The following ELP3 variants were observed in gnomAD, a reference collection of about 807,000 sequenced individuals.
ELP3 encodes the protein elongator acetyltransferase complex subunit 3, also known as elongator complex protein 3.
In ELP3, 56 loss-of-function variants were observed where a neutral mutation model predicts 74.9. That is an observed-to-expected ratio of 0.75 (90% CI 0.60 to 0.93). The LOEUF (loss-of-function observed/expected upper bound fraction) is 0.93, where lower values mean the gene tolerates loss of function less well. Ranked by LOEUF, ELP3 falls within the 40% of genes least tolerant of loss-of-function variation. ELP3 has a pLI of 0.00. For synonymous variants in ELP3, 222 were observed against 239.8 expected, an observed-to-expected ratio of 0.93 and a Z score of 0.68; for missense variants, 573 against 686.5, an observed-to-expected ratio of 0.83 and a Z score of 1.85.
upstream of ELP3, chr8:28,092,774 G>T: frequency 3.8e-6 from 1 of 262,914 alleles, no homozygotes; most frequent in Non-Finnish European, 7.6e-6. Flanking sequence ...CCGTGGTCTC[G>T]CCCATTCGCG....
At chr8:28,120,019 G>T (rs528644364) in intron 7 of ELP3, among the ~76,000 whole-genome samples, 85 of 152,252 alleles carry the variant, frequency 5.6e-4, no homozygotes, top group African/African-American at 2.0e-3. Context: ...CGCCTGAGCT[G>T]TTTTGTTTGT....
intron 3 of ELP3, among the ~76,000 whole-genome samples, chr8:28,102,806 G>A (rs1168147806): frequency 6.6e-6 from 1 of 152,158 alleles, no homozygotes; most frequent in Non-Finnish European, 1.5e-5. Context: ...CATTCTGTAG[G>A]TTTTGCCAAT....
chr8:28,138,532 CA>C (rs1238613245), intron 10 of ELP3, among the ~76,000 whole-genome samples: 1 of 152,066 alleles, frequency 6.6e-6, no homozygotes, highest in Non-Finnish European at 1.5e-5. Context: ...ACAATCCTAA[CA>C]AAGCCAATTC....
intron 14 of ELP3, among the ~76,000 whole-genome samples, chr8:28,173,521 T>C (rs1814617557): frequency 6.6e-6 from 1 of 151,416 alleles, no homozygotes; most frequent in South Asian, 2.1e-4. Context: ...CATTGCTAGT[T>C]GATCTTTTCA....
At chr8:28,139,214 C>T (rs1813122000) in intron 10 of ELP3, among the ~76,000 whole-genome samples, 1 of 152,096 alleles carries the variant, frequency 6.6e-6, no homozygotes, top group South Asian at 2.1e-4. Flanking sequence ...GGGGTATATG[C>T]AGAAGAGGAG....
chr8:28,123,409 T>C (rs140149830), intron 7 of ELP3, among the ~76,000 whole-genome samples: 48 of 152,332 alleles, frequency 3.2e-4, no homozygotes, highest in African/African-American at 1.1e-3. Context: ...TGTTTTAAAA[T>C]TTATTGAGAC....
intron 10 of ELP3, among the ~76,000 whole-genome samples, chr8:28,155,141 A>G (rs759226875): frequency 9.9e-5 from 15 of 152,240 alleles, no homozygotes; most frequent in Non-Finnish European, 1.5e-4. Flanking sequence ...TATTCTCCAC[A>G]TCTTTCCTCT....
chr8:28,106,903 A>G, intron 4 of ELP3, 120 bp downstream of exon 4: 1 of 687,026 alleles, frequency 1.5e-6, no homozygotes, highest in East Asian at 2.9e-5. Flanking sequence ...AGATTTATAG[A>G]TTACTCCTTT....
At chr8:28,104,032 G>T (rs1811591933) in intron 3 of ELP3, among the ~76,000 whole-genome samples, 2 of 152,190 alleles carry the variant, frequency 1.3e-5, no homozygotes, top group Non-Finnish European at 2.9e-5. Flanking sequence ...CCCAGCCAGT[G>T]TTTTGGATTT....
intron 7 of ELP3, among the ~76,000 whole-genome samples, chr8:28,129,066 A>G (rs1424348395): frequency 1.3e-5 from 2 of 152,192 alleles, no homozygotes; most frequent in African/African-American, 4.8e-5. Context: ...CATTTAAAAT[A>G]TAGAGTGGGA....
intron 6 of ELP3, 83 bp downstream of exon 6, chr8:28,110,521 C>T: frequency 1.7e-6 from 2 of 1,186,302 alleles, no homozygotes; most frequent in Non-Finnish European, 2.4e-6. Context: ...CAAATTGAAC[C>T]TGAAATAAGA....
At chr8:28,099,763 C>G (rs757500679) in intron 2 of ELP3, 65 bp from the exon 3 acceptor site, 29 of 1,571,306 alleles carry the variant, frequency 1.8e-5, no homozygotes, top group Non-Finnish European at 2.4e-5. Context: ...GTTTATAGAT[C>G]ATCCTCTTGG....
At chr8:28,180,116 G>A (rs1250234202) in intron 14 of ELP3, among the ~76,000 whole-genome samples, 1 of 152,042 alleles carries the variant, frequency 6.6e-6, no homozygotes, top group African/African-American at 2.4e-5. Flanking sequence ...TAGGTTCTAG[G>A]TATGGATTTC....
chr8:28,158,840 T>C (rs183838988), intron 12 of ELP3, among the ~76,000 whole-genome samples: 3 of 152,304 alleles, frequency 2.0e-5, no homozygotes, highest in Admixed American at 2.0e-4. Flanking sequence ...AGTCTGAACC[T>C]CATTCTAGAT....
chr8:28,137,663 T>G, intron 9 of ELP3, 35 bp from the exon 10 acceptor site: 1 of 1,596,818 alleles, frequency 6.3e-7, no homozygotes, highest in Non-Finnish European at 8.6e-7. Context: ...TCTGCATAAC[T>G]AATGGAGAAG....
Position 28,138,863 on chromosome 8 carries a change from G to A in ELP3, c.1100+972G>A, listed in dbSNP as rs145070978. ...CTGCAGGATCTGAATTGCCTATATG[G>A]TCTCTATTTTTAAAAATACACCTAA... is the stretch of plus-strand genomic sequence containing the variant. On this transcript the variant is annotated intron_variant, in intron 10 of 14. Transcript: ENST00000256398. Among the ~76,000 whole-genome samples the A allele has an allele frequency of 4.7e-3, 713 of 152,258 alleles. 4 individuals carry two copies. Among genetic ancestry groups the A allele is most frequent in the African/African-American group, 0.016 (671 of 41,556 alleles).
At chr8:28,109,354 T>C (rs1356589262) in intron 5 of ELP3, among the ~76,000 whole-genome samples, 1 of 152,172 alleles carries the variant, frequency 6.6e-6, no homozygotes, top group Non-Finnish European at 1.5e-5. Flanking sequence ...TCTTGTTTTC[T>C]AGGGTTCAAA....
Position 28,132,204 on chromosome 8 carries a change from C to A in ELP3, c.780-74C>A, listed in dbSNP as rs943707167. ...CCCTTGTTCCTTGTGTTAACTTTGT[C>A]ACCCATTTATTTGTGTAACAGATGT... On this transcript the variant is annotated intron_variant, in intron 8 of 14. Coordinates refer to ENST00000256398, the MANE Select transcript of ELP3 (RefSeq NM_018091.6). 46 of 1,503,810 alleles carry A rather than the reference C, an allele frequency of 3.1e-5. No homozygotes were observed. The African/African-American group carries it at 6.1e-4, about 20-fold the overall frequency. The allele number at this position is 1,503,810 out of a possible 1,614,324, so 93.2% of individuals were successfully genotyped here. A position where few individuals can be genotyped will look rare whatever the true frequency, so the allele number is the denominator to read the frequency against.
At chr8:28,183,095 A>G (rs1244369924) in intron 14 of ELP3, 1 of 455,664 alleles carries the variant, frequency 2.2e-6, no homozygotes, top group Non-Finnish European at 4.4e-6. Context: ...GGGTCTATCT[A>G]TAATTGATCT....
Sources: gnomAD v4.1 joint callset for allele counts (sites outside exome capture counted in the v4.1 genomes callset) on GRCh38, gnomAD v4.1.1 for gene constraint, MANE v1.5 for transcripts, NCBI Gene and HGNC (gene_info 2026-07-23, HGNC 2026-07-21) for gene names.